EVI5: variants seen among roughly 807,000 people sequenced by gnomAD.
The protein encoded by EVI5 is ecotropic viral integration site 5.
A neutral mutation model predicts 112.0 loss-of-function variants in EVI5; 73 were observed. The ratio of observed to expected loss-of-function variants is 0.65; its 90% CI spans 0.54 to 0.79. The LOEUF (loss-of-function observed/expected upper bound fraction) is 0.79. Among genes scored for constraint, EVI5 ranks in the 30% least tolerant of loss-of-function variants. The pLI is 0.00. For synonymous variants in EVI5, 305 were observed against 319.9 expected, an observed-to-expected ratio of 0.95 and a Z score of 0.50; for missense variants, 900 against 968.8, an observed-to-expected ratio of 0.93 and a Z score of 0.94.
intron 2 of EVI5, among the ~76,000 whole-genome samples, chr1:92,707,193 AAAAAAAAC>A (rs1455440937): frequency 1.4e-5 from 2 of 145,570 alleles, no homozygotes; most frequent in South Asian, 2.2e-4. Flanking sequence ...AAAAAAAAAA[AAAAAAAAC>A]ACAAGAAAAC....
chr1:92,783,682 C>G (rs867668279), intron 1 of EVI5, among the ~76,000 whole-genome samples: 2 of 148,462 alleles, frequency 1.3e-5, no homozygotes, highest in Middle Eastern at 3.6e-3. Flanking sequence ...AGTGGTGGCG[C>G]GCGCCTGTAG....
chr1:92,612,559 T>A (rs4847400), intron 16 of EVI5, among the ~76,000 whole-genome samples: 140,055 of 151,998 alleles, frequency 0.92, 64,606 homozygotes, highest in East Asian at 0.97. Flanking sequence ...AAAATACAAA[T>A]ATTAGCCAGA....
intron 2 of EVI5, among the ~76,000 whole-genome samples, chr1:92,735,468 T>C (rs1407930334): frequency 2.0e-5 from 3 of 151,850 alleles, no homozygotes; most frequent in African/African-American, 4.8e-5. Context: ...AGTTTACGCA[T>C]AGTTGATTAC....
At chr1:92,766,795 T>C (rs1342779121) in intron 1 of EVI5, among the ~76,000 whole-genome samples, 3 of 152,136 alleles carry the variant, frequency 2.0e-5, no homozygotes, top group Non-Finnish European at 4.4e-5. Context: ...AATTCATTAA[T>C]TCTCGGCCAG....
chr1:92,696,339 C>T (rs1243389578), intron 6 of EVI5, among the ~76,000 whole-genome samples: 1 of 152,112 alleles, frequency 6.6e-6, no homozygotes, highest in African/African-American at 2.4e-5. Flanking sequence ...CAAGTCCAGG[C>T]ACAGTGGCTC....
intron 18 of EVI5, among the ~76,000 whole-genome samples, chr1:92,593,550 G>A (rs1434521932): frequency 2.0e-5 from 3 of 152,158 alleles, no homozygotes; most frequent in African/African-American, 7.2e-5. Context: ...ATTCAACATA[G>A]TGTTGGAAAT....
At chr1:92,656,166 A>AT (rs1349765665) in intron 13 of EVI5, among the ~76,000 whole-genome samples, 1 of 152,182 alleles carries the variant, frequency 6.6e-6, no homozygotes, top group Non-Finnish European at 1.5e-5. Flanking sequence ...AAGTCTCAAT[A>AT]AATTTTCAAA....
chr1:92,766,096 A>AAATAATAAT (rs71091300), intron 1 of EVI5, among the ~76,000 whole-genome samples: 1,546 of 140,982 alleles, frequency 0.011, 28 homozygotes, highest in African/African-American at 0.033. Flanking sequence ...AGACCCTGCA[A>AAATAATAAT]AATAATAATA....
chr1:92,737,040 T>C (rs1253296876), intron 1 of EVI5, among the ~76,000 whole-genome samples: 4 of 152,170 alleles, frequency 2.6e-5, no homozygotes, highest in Non-Finnish European at 4.4e-5. Context: ...CAAAAACATA[T>C]GCAAGTCAAG....
At chr1:92,792,329 G>A (rs377325414) in intron 1 of EVI5, 95 of 1,550,038 alleles carry the variant, frequency 6.1e-5, no homozygotes, top group South Asian at 5.5e-4. Context: ...ATCAAACATC[G>A]TTTTACACAT....
At chr1:92,598,586 A>G (rs1648444145) in intron 18 of EVI5, among the ~76,000 whole-genome samples, 1 of 152,152 alleles carries the variant, frequency 6.6e-6, no homozygotes, top group Non-Finnish European at 1.5e-5. Context: ...CAGAATTGTC[A>G]AAAAATATTT....
At chr1:92,679,113 T>C (rs924265502) in intron 9 of EVI5, among the ~76,000 whole-genome samples, 1 of 152,266 alleles carries the variant, frequency 6.6e-6, no homozygotes, top group East Asian at 1.9e-4. Flanking sequence ...CAGCATTAGA[T>C]TCTCAAAGGA....
chr1:92,756,426 C>T (rs949049445), intron 1 of EVI5: 8 of 539,168 alleles, frequency 1.5e-5, no homozygotes, highest in Non-Finnish European at 3.0e-5. Flanking sequence ...GTAGCTGCTA[C>T]ATGTATGGCT....
intron 16 of EVI5, among the ~76,000 whole-genome samples, chr1:92,614,832 GTTATA>G (rs1314290429): frequency 5.7e-5 from 3 of 53,026 alleles, no homozygotes; most frequent in Admixed American, 3.1e-4. Flanking sequence ...TGTATTTTAT[GTTATA>G]TTTTATATAT....
intron 18 of EVI5, among the ~76,000 whole-genome samples, chr1:92,601,702 C>A (rs918807574): frequency 2.6e-5 from 4 of 151,662 alleles, no homozygotes; most frequent in Admixed American, 2.6e-4. Context: ...GGGCTAGATG[C>A]GGGGTTAGGG....
chr1:92,548,697 C>A (rs1041084243), intron 19 of EVI5, among the ~76,000 whole-genome samples: 2 of 152,060 alleles, frequency 1.3e-5, no homozygotes, highest in African/African-American at 4.8e-5. Flanking sequence ...TCTTATACAC[C>A]AATAACAGAC....
Position 92,694,363 on chromosome 1 carries a change from C to A in EVI5, c.935G>T (p.Gly312Val). The A allele has an allele frequency of 6.2e-7, 1 of 1,603,624 alleles. No individual in the cohort carries two copies. The highest frequency in any genetic ancestry group is 1.1e-5 in the South Asian group (1 of 90,010). Residue 312 changes from glycine (G) to valine (V), a missense_variant, in exon 8 of 20, where the codon GGA becomes GTA. Physicochemically the swap from Gly to Val is moderately radical, Grantham distance 109. Coordinates refer to ENST00000684568, the MANE Select transcript of EVI5 (RefSeq NM_001350197.2). ...SEGLEIVFRV[G>V]LALLQMNQAE... ...CTGATTCATCTGAAGAAGTGCTAAT[C>A]CTACACGAAACACTATTTCTAAACC... is the stretch of plus-strand genomic sequence containing the variant.
At chr1:92,581,704 A>C (rs932342672) in intron 18 of EVI5, among the ~76,000 whole-genome samples, 1 of 152,048 alleles carries the variant, frequency 6.6e-6, no homozygotes, top group East Asian at 1.9e-4. Flanking sequence ...AAAAAAAAAA[A>C]AACTATTTAC....
intron 19 of EVI5, among the ~76,000 whole-genome samples, chr1:92,559,463 C>T (rs1668175809): frequency 6.6e-6 from 1 of 151,984 alleles, no homozygotes; most frequent in African/African-American, 2.4e-5. Flanking sequence ...ATACTCTTTC[C>T]ACTGATTTTC....
Sources: gnomAD v4.1 joint callset for allele counts (sites outside exome capture counted in the v4.1 genomes callset) on GRCh38, gnomAD v4.1.1 for gene constraint, MANE v1.5 for transcripts, NCBI Gene and HGNC (gene_info 2026-07-23, HGNC 2026-07-21) for gene names.